The following MMP16 variants were observed in gnomAD, a reference collection of about 807,000 sequenced individuals.
MMP16 encodes the protein matrix metallopeptidase 16, also known as matrix metalloproteinase-16.
Under a neutral mutation model 67.8 loss-of-function variants are expected in MMP16, and 12 were observed. That is an observed-to-expected ratio of 0.18 (90% CI 0.11 to 0.29). The LOEUF is 0.29. Among genes scored for constraint, MMP16 ranks in the 10% least tolerant of loss-of-function variants. MMP16 has a pLI of 1.00. For missense variants in MMP16, 475 were observed against 765.7 expected, an observed-to-expected ratio of 0.62 and a Z score of 4.48; for synonymous variants, 249 against 255.9, an observed-to-expected ratio of 0.97 and a Z score of 0.26.
rs1022806999 is a variant in MMP16 at position 88,035,445 on chromosome 8, G to T, written c.*6016C>A. On this transcript the variant is annotated 3_prime_UTR_variant, in exon 10 of 10. Transcript: ENST00000286614. This position sits in a 1 kb window ranked among gnomAD's most constrained non-coding sequence, Gnocchi z 4.7. ...AATTCTAAGACACACTCATCTTTAA[G>T]TTGAAAAGGCATAGAATCCTCAGAA... is the stretch of plus-strand genomic sequence containing the variant. The T allele has an allele frequency of 2.0e-5, 3 of 151,984 alleles. No homozygotes were observed. Among genetic ancestry groups the T allele is most frequent in the African/African-American group, 7.2e-5 (3 of 41,412 alleles). The allele number at this position is 151,984 out of a possible 1,614,324, so 9.4% of individuals were successfully genotyped here.
chr8:88,288,376 C>T (rs1810866914), intron 1 of MMP16, among the ~76,000 whole-genome samples: 1 of 151,816 alleles, frequency 6.6e-6, no homozygotes, highest in Non-Finnish European at 1.5e-5. Context: ...TCCAGAAAAA[C>T]CATAGGCACC....
chr8:88,132,426 T>C (rs986832618), intron 4 of MMP16, among the ~76,000 whole-genome samples: 1 of 151,946 alleles, frequency 6.6e-6, no homozygotes, highest in African/African-American at 2.4e-5. Flanking sequence ...CAAGATCAGA[T>C]TTTTGTGAGG....
chr8:88,300,575 T>C (rs570921339), intron 1 of MMP16, among the ~76,000 whole-genome samples: 1 of 152,360 alleles, frequency 6.6e-6, no homozygotes, highest in Non-Finnish European at 1.5e-5. Context: ...TTAGTTGTTC[T>C]ATTTTATTAT....
chr8:88,219,555 T>C (rs1809645353), intron 1 of MMP16, among the ~76,000 whole-genome samples: 1 of 152,104 alleles, frequency 6.6e-6, no homozygotes, highest in Non-Finnish European at 1.5e-5. Context: ...ATTTGAAAGG[T>C]AGCCTGTTGG....
intron 1 of MMP16, among the ~76,000 whole-genome samples, chr8:88,247,320 T>C (rs1018444097): frequency 6.6e-6 from 1 of 152,156 alleles, no homozygotes; most frequent in Non-Finnish European, 1.5e-5. Flanking sequence ...TGTCTAGCAC[T>C]TTCTATCTTG....
chr8:88,162,552 G>A (rs996636768), intron 4 of MMP16, among the ~76,000 whole-genome samples: 1 of 151,954 alleles, frequency 6.6e-6, no homozygotes, highest in Non-Finnish European at 1.5e-5. Context: ...TCAAAAACTC[G>A]AGGATAGATG....
chr8:88,147,807 G>A (rs539356707), intron 4 of MMP16, among the ~76,000 whole-genome samples: 77 of 151,372 alleles, frequency 5.1e-4, no homozygotes, highest in Admixed American at 2.2e-3. Flanking sequence ...GTGCATGCAC[G>A]CCCCTAGTTT....
chr8:88,086,698 G>A (rs1808839206), intron 6 of MMP16, among the ~76,000 whole-genome samples: 1 of 151,688 alleles, frequency 6.6e-6, no homozygotes, highest in Admixed American at 6.6e-5. Flanking sequence ...TTGAGTATAG[G>A]GCCATTTCTA....
intron 6 of MMP16, among the ~76,000 whole-genome samples, chr8:88,095,604 G>A (rs150459238): frequency 4.1e-4 from 63 of 151,896 alleles, no homozygotes; most frequent in African/African-American, 1.2e-3. Context: ...AATACCACCT[G>A]ATTCATTAGG....
chr8:88,203,958 A>G (rs1809385651), intron 1 of MMP16, among the ~76,000 whole-genome samples: 1 of 152,196 alleles, frequency 6.6e-6, no homozygotes, highest in South Asian at 2.1e-4. Context: ...CCAATGCAAG[A>G]GAAAAGAAAT....
At chr8:88,210,612 A>G (rs1005953086) in intron 1 of MMP16, among the ~76,000 whole-genome samples, 1 of 152,176 alleles carries the variant, frequency 6.6e-6, no homozygotes, top group African/African-American at 2.4e-5. Flanking sequence ...ATCTCATTTT[A>G]TCACACATAT....
chr8:88,257,985 G>T lies in MMP16; in HGVS notation c.133-60679C>A, dbSNP rs549735309. 4.6e-5 allele frequency among the ~76,000 whole-genome samples: 7 copies of T among 152,040 alleles called. No homozygotes were observed. In the East Asian group the frequency reaches 1.4e-3, roughly 29 times the overall value. On this transcript the variant is annotated intron_variant, in intron 1 of 9. Transcript: ENST00000286614. ...ATGGTAAGGAATAGTCATAACACAGGAAGGGCATCTAGCTTCACTGGCTGA... is the reference window on the plus strand; with the variant it reads ...ATGGTAAGGAATAGTCATAACACAGTAAGGGCATCTAGCTTCACTGGCTGA...
chr8:88,233,193 A>G (rs1809888509), intron 1 of MMP16, among the ~76,000 whole-genome samples: 1 of 152,196 alleles, frequency 6.6e-6, no homozygotes, highest in African/African-American at 2.4e-5. Context: ...CAAATGCCAG[A>G]TATTATTATT....
In MMP16 at chr8:88,188,749, G is replaced by A. The variant is rs148219063; in HGVS notation, c.282-2151C>T. Reference sequence around the variant, plus strand: ...GGCTTAACCACAACCTCCACCTCCCGGGTTCAAGCAATTCTCCTGCCTCAG... The same window carrying A: ...GGCTTAACCACAACCTCCACCTCCCAGGTTCAAGCAATTCTCCTGCCTCAG... On this transcript the variant is annotated intron_variant, in intron 2 of 9. Transcript: ENST00000286614. 1.3e-3 allele frequency among the ~76,000 whole-genome samples: 191 copies of A among 151,368 alleles called. 3 individuals are homozygous for A. In the East Asian group the frequency reaches 0.03, roughly 24 times the overall value.
At chr8:88,283,968 T>C (rs1450960352) in intron 1 of MMP16, among the ~76,000 whole-genome samples, 2 of 152,226 alleles carry the variant, frequency 1.3e-5, no homozygotes, top group Non-Finnish European at 2.9e-5. Flanking sequence ...GAGCATTGAA[T>C]AAATGTTGAA....
chr8:88,080,622 G>C (rs1563525897), intron 6 of MMP16, among the ~76,000 whole-genome samples: 1 of 152,054 alleles, frequency 6.6e-6, no homozygotes, highest in Non-Finnish European at 1.5e-5. Context: ...TTTTAGTAGA[G>C]ATGAGGTTTC....
At chr8:88,242,772 G>A (rs1810052918) in intron 1 of MMP16, among the ~76,000 whole-genome samples, 2 of 152,138 alleles carry the variant, frequency 1.3e-5, no homozygotes, top group Admixed American at 1.3e-4. Context: ...GCCTAGAATA[G>A]TCACACTTTA....
intron 6 of MMP16, among the ~76,000 whole-genome samples, chr8:88,102,591 C>A (rs986670407): frequency 6.6e-6 from 1 of 151,738 alleles, no homozygotes; most frequent in Non-Finnish European, 1.5e-5. Flanking sequence ...CCTTCAGTCC[C>A]TCTCCCCTCC....
At chr8:88,186,708 G>A (rs1416061862) in intron 2 of MMP16, 110 bp from the exon 3 acceptor site, 1 of 1,425,254 alleles carries the variant, frequency 7.0e-7, no homozygotes, top group African/African-American at 1.4e-5. Flanking sequence ...CTGAGACAGT[G>A]ATGATGAAAA....
Sources: gnomAD v4.1 joint callset for allele counts (sites outside exome capture counted in the v4.1 genomes callset) on GRCh38, gnomAD v4.1.1 for gene constraint, Gnocchi (gnomAD v3.1) non-coding constraint, MANE v1.5 for transcripts, NCBI Gene and HGNC (gene_info 2026-07-23, HGNC 2026-07-21) for gene names.